Variants in TMEM51 observed in about 807,000 individuals in gnomAD.
TMEM51 encodes the protein transmembrane protein 51, also known as chromosome 1 open reading frame 72.
A neutral mutation model predicts 13.6 loss-of-function variants in TMEM51; 8 were observed. The observed-to-expected ratio is 0.59, with a 90% CI of 0.35 to 1.07. The LOEUF is 1.07. Among genes scored for constraint, TMEM51 ranks in the 50% least tolerant of loss-of-function variants. The pLI, the probability that TMEM51 is intolerant of heterozygous loss-of-function variation, is 0.02. For synonymous variants in TMEM51, 147 were observed against 144.4 expected (o/e 1.02, Z -0.13); for missense variants, 279 against 330.7 (o/e 0.84, Z 1.21).
intron 1 of TMEM51, among the ~76,000 whole-genome samples, chr1:15,164,963 C>A (rs1446268208): frequency 3.3e-5 from 5 of 152,066 alleles, no homozygotes; most frequent in Middle Eastern, 3.4e-3. Flanking sequence ...CCACCACACC[C>A]AGCTAATTTT....
chr1:15,196,139 C>G (rs1450879424), intron 1 of TMEM51, among the ~76,000 whole-genome samples: 1 of 152,180 alleles, frequency 6.6e-6, no homozygotes, highest in Non-Finnish European at 1.5e-5. Context: ...CATCCCCCAC[C>G]CAGAGACACC....
At chr1:15,163,495 C>T (rs530144147) in intron 1 of TMEM51, among the ~76,000 whole-genome samples, 60 of 152,042 alleles carry the variant, frequency 3.9e-4, no homozygotes, top group African/African-American at 1.1e-3. Flanking sequence ...GGAACTTTGG[C>T]GGCTTTTTTC....
At chr1:15,208,441 A>G (rs1442454501) in intron 1 of TMEM51, among the ~76,000 whole-genome samples, 1 of 152,068 alleles carries the variant, frequency 6.6e-6, no homozygotes, top group African/African-American at 2.4e-5. Context: ...TGGGCAACAC[A>G]GCAAGATTCC....
intron 1 of TMEM51, among the ~76,000 whole-genome samples, chr1:15,188,091 C>T (rs573548900): frequency 3.3e-5 from 5 of 152,290 alleles, no homozygotes; most frequent in African/African-American, 7.2e-5. Context: ...GCTCATACAA[C>T]GGAAACATTG....
chr1:15,187,842 C>T (rs1473537073), intron 1 of TMEM51, among the ~76,000 whole-genome samples: 1 of 152,084 alleles, frequency 6.6e-6, no homozygotes, highest in African/African-American at 2.4e-5. Context: ...ACACCCCGGC[C>T]AAGGAAAGAG....
intron 2 of TMEM51, among the ~76,000 whole-genome samples, chr1:15,212,175 G>T (rs1401913567): frequency 4.6e-5 from 7 of 151,952 alleles, no homozygotes; most frequent in Non-Finnish European, 1.0e-4. Context: ...AGAGCCAAAG[G>T]GTATAAACAT....
chr1:15,192,123 GT>G, intron 1 of TMEM51: 1 of 454,828 alleles, frequency 2.2e-6, no homozygotes, highest in Non-Finnish European at 4.5e-6. Context: ...CCAGCTGTCC[GT>G]TTTGATGAAC....
chr1:15,164,732 A>C (rs968394011), intron 1 of TMEM51, among the ~76,000 whole-genome samples: 3 of 151,942 alleles, frequency 2.0e-5, no homozygotes, highest in African/African-American at 4.8e-5. Context: ...AACTGGGGAC[A>C]ATATTTGCAA....
In TMEM51 at chr1:15,219,307, T is replaced by C. The variant is rs1247160269; in HGVS notation, c.345-19T>C. ...TGAGCACAGGCTAACACTCTCCCTG[T>C]CTGTGTGTCTTCTTGCAGCCAGGAG... On this transcript the variant is annotated intron_variant, in intron 3 of 3. Transcript: ENST00000376008. The C allele has an allele frequency of 1.3e-6, 2 of 1,560,506 alleles. No homozygotes were observed. Among genetic ancestry groups the C allele is most frequent in the East Asian group, 2.3e-5 (1 of 44,358 alleles).
intron 1 of TMEM51, among the ~76,000 whole-genome samples, chr1:15,158,745 A>G (rs1397644485): frequency 1.3e-5 from 2 of 152,180 alleles, no homozygotes; most frequent in Non-Finnish European, 2.9e-5. Flanking sequence ...TAATGCCATA[A>G]ATCATCAGTA....
Position 15,202,794 on chromosome 1 carries a change from C to T in TMEM51, c.-266-7696C>T, listed in dbSNP as rs990265022. Among the ~76,000 whole-genome samples, 11 of 152,124 alleles carry T rather than the reference C, an allele frequency of 7.2e-5. 1 individual carries two copies. Among genetic ancestry groups the T allele is most frequent in the African/African-American group, 1.4e-4 (6 of 41,420 alleles). The stretch of plus-strand genomic sequence containing the variant: ...GAAGTTACAAATTTTGATTAGGACC[C>T]GGATATCTTTGAAGACCACGATTCA... On this transcript the variant is annotated intron_variant, in intron 1 of 3. Transcript: ENST00000376008.
chr1:15,156,924 G>A (rs1272826006), intron 1 of TMEM51, among the ~76,000 whole-genome samples: 2 of 152,138 alleles, frequency 1.3e-5, no homozygotes, highest in South Asian at 2.1e-4. Context: ...TCTTTCAAGC[G>A]GCTTCATAGA....
At chr1:15,205,721 G>C (rs535910844) in intron 1 of TMEM51, among the ~76,000 whole-genome samples, 1 of 152,268 alleles carries the variant, frequency 6.6e-6, no homozygotes, top group African/African-American at 2.4e-5. Flanking sequence ...ACTATTAAAT[G>C]ATGATGCACA....
At chr1:15,154,528 C>T (rs1427118338) in intron 1 of TMEM51, among the ~76,000 whole-genome samples, 1 of 152,220 alleles carries the variant, frequency 6.6e-6, no homozygotes, top group Non-Finnish European at 1.5e-5. Flanking sequence ...ATCTGTGAAA[C>T]TGACATGACA....
chr1:15,194,743 A>C (rs942289307), intron 1 of TMEM51, among the ~76,000 whole-genome samples: 4 of 151,802 alleles, frequency 2.6e-5, no homozygotes, highest in Admixed American at 2.0e-4. Context: ...GGTCTTGTAC[A>C]TTGTGTCTTT....
intron 1 of TMEM51, among the ~76,000 whole-genome samples, chr1:15,171,803 G>A (rs1052121495): frequency 3.3e-5 from 5 of 152,118 alleles, no homozygotes; most frequent in African/African-American, 4.8e-5. Context: ...AGTCCTTGCC[G>A]CGGAACCTCC....
intron 1 of TMEM51, among the ~76,000 whole-genome samples, chr1:15,172,685 G>C (rs1643326378): frequency 6.6e-6 from 1 of 152,158 alleles, no homozygotes; most frequent in African/African-American, 2.4e-5. Context: ...ACTCTCCACT[G>C]TTTCAGTTAC....
intron 1 of TMEM51, among the ~76,000 whole-genome samples, chr1:15,176,539 GAC>G (rs1203679584): frequency 6.6e-6 from 1 of 152,202 alleles, no homozygotes; most frequent in African/African-American, 2.4e-5. Context: ...AGAAAGGCAA[GAC>G]ACAGAGAGTG....
At chr1:15,163,321 A>G (rs10489453) in intron 1 of TMEM51, among the ~76,000 whole-genome samples, 35,330 of 151,904 alleles carry the variant, frequency 0.23, 4,535 homozygotes, top group African/African-American at 0.32. Flanking sequence ...ATCAAGCCAA[A>G]GCTAAGCTCT....
Sources: gnomAD v4.1 joint callset for allele counts (sites outside exome capture counted in the v4.1 genomes callset) on GRCh38, gnomAD v4.1.1 for gene constraint, MANE v1.5 for transcripts, NCBI Gene and HGNC (gene_info 2026-07-23, HGNC 2026-07-21) for gene names.